Variants in TAF4B observed in about 807,000 individuals in gnomAD.
The protein encoded by TAF4B is transcription initiation factor TFIID subunit 4B.
In TAF4B, 38 loss-of-function variants were observed where a neutral mutation model predicts 86.4. The ratio of observed to expected loss-of-function variants is 0.44; its 90% confidence interval spans 0.34 to 0.58. The LOEUF is 0.58. Ranked by LOEUF, TAF4B falls within the 20% of genes least tolerant of loss-of-function variation. The pLI, the probability that TAF4B is intolerant of heterozygous loss-of-function variation, is 0.02. For missense variants in TAF4B, 988 were observed against 1,027.6 expected, an observed-to-expected ratio of 0.96 and a Z score of 0.53; for synonymous variants, 388 against 391.2, an observed-to-expected ratio of 0.99 and a Z score of 0.10.
intron 1 of TAF4B, among the ~76,000 whole-genome samples, chr18:26,254,596 C>T (rs921629831): frequency 2.6e-5 from 4 of 152,130 alleles, no homozygotes; most frequent in African/African-American, 9.7e-5. Flanking sequence ...GAAGCATTAA[C>T]CTTTGTTTTG....
At chr18:26,290,147 T>C (rs1190979451) in intron 7 of TAF4B, among the ~76,000 whole-genome samples, 1 of 152,120 alleles carries the variant, frequency 6.6e-6, no homozygotes, top group Non-Finnish European at 1.5e-5. Context: ...TTTTTATTTT[T>C]AATTTTTAAA....
At chr18:26,377,074 C>T (rs1043380472) in intron 14 of TAF4B, among the ~76,000 whole-genome samples, 4 of 151,872 alleles carry the variant, frequency 2.6e-5, no homozygotes, top group African/African-American at 9.7e-5. Flanking sequence ...TTAGTTTCTG[C>T]TTGCTAGTAT....
chr18:26,358,363 T>C (rs1324787508), intron 14 of TAF4B, among the ~76,000 whole-genome samples: 1 of 152,210 alleles, frequency 6.6e-6, no homozygotes, highest in Non-Finnish European at 1.5e-5. Flanking sequence ...TGACCTTAAT[T>C]GTTTGGTTAA....
intron 2 of TAF4B, chr18:26,266,059 G>C (rs1156777786): frequency 1.3e-5 from 2 of 152,160 alleles, no homozygotes; most frequent in Non-Finnish European, 2.9e-5. Flanking sequence ...ACAGGCGTGA[G>C]CCACTGCACT....
chr18:26,286,243 T>C lies in TAF4B; in HGVS notation c.1334T>C (p.Val445Ala), dbSNP rs2056520831. ...CTTGTGACATCTGTGGCAAACACAG[T>C]GACCACGGTCTCACTGCAACCTGAA... ...KPLVTSVANT[V>A]TTVSLQPEKP... Residue 445 changes from valine (V) to alanine (A), a missense_variant, in exon 7 of 15, where the codon GTG becomes GCG. Around this residue, in one of 3 missense-constraint regions of TAF4B, gnomAD observed 747 missense variants for 737.9 expected, o/e 1.01. Transcript: ENST00000269142. The C allele has an allele frequency of 1.9e-6, 3 of 1,614,228 alleles. No individual in the cohort carries two copies. Among genetic ancestry groups the C allele is most frequent in the South Asian group, 1.1e-5 (1 of 91,084 alleles).
At chr18:26,360,177 A>G (rs2057319079) in intron 14 of TAF4B, among the ~76,000 whole-genome samples, 1 of 152,186 alleles carries the variant, frequency 6.6e-6, no homozygotes, top group African/African-American at 2.4e-5. Context: ...TTAACAATTT[A>G]AAAATTACCC....
intron 9 of TAF4B, among the ~76,000 whole-genome samples, chr18:26,305,756 G>GT (rs2056788667): frequency 6.6e-6 from 1 of 152,152 alleles, no homozygotes; most frequent in South Asian, 2.1e-4. Context: ...GTTAAAGTAA[G>GT]TCCTTTTTCT....
chr18:26,236,110 A>G (rs1259713589), intron 1 of TAF4B, among the ~76,000 whole-genome samples: 2 of 152,210 alleles, frequency 1.3e-5, no homozygotes, highest in African/African-American at 4.8e-5. Flanking sequence ...TCCCTCCTCA[A>G]CTAGGGGACA....
chr18:26,285,222 G>GTTTTTGTTTTTGTTTTTTTTTTT, intron 6 of TAF4B, among the ~76,000 whole-genome samples: 4,080 of 45,574 alleles, frequency 0.09, 703 homozygotes, highest in Non-Finnish European at 0.13. Context: ...TTTTTTTTTT[G>GTTTTTGTTTTTGTTTTTTTTTTT]TTTTTTTTTT....
intron 1 of TAF4B, among the ~76,000 whole-genome samples, chr18:26,245,974 G>T (rs146964139): frequency 6.6e-6 from 1 of 152,106 alleles, no homozygotes; most frequent in African/African-American, 2.4e-5. Flanking sequence ...TGTGCAGTTT[G>T]GAAACGTGGA....
At chr18:26,359,762 C>G (rs1161643183) in intron 14 of TAF4B, among the ~76,000 whole-genome samples, 1 of 152,052 alleles carries the variant, frequency 6.6e-6, no homozygotes. Flanking sequence ...GCTCTGTCAC[C>G]CAGGATGGAG....
chr18:26,315,155 T>TCACACA (rs1484111730), intron 9 of TAF4B, 74 bp from the exon 10 acceptor site: 36 of 465,862 alleles, frequency 7.7e-5, no homozygotes, highest in African/African-American at 4.8e-4. Context: ...TGTCTCTCTC[T>TCACACA]CTCTCTCACA....
intron 11 of TAF4B, among the ~76,000 whole-genome samples, chr18:26,322,614 A>G (rs1285484503): frequency 1.3e-5 from 2 of 151,798 alleles, no homozygotes; most frequent in East Asian, 3.9e-4. Context: ...GATTTTTGTT[A>G]TTTGCATCTT....
At chr18:26,324,501 T>C (rs1021447815) in intron 11 of TAF4B, among the ~76,000 whole-genome samples, 4 of 152,218 alleles carry the variant, frequency 2.6e-5, no homozygotes, top group Non-Finnish European at 5.9e-5. Context: ...TAAAGTAATA[T>C]TTATTGAATG....
chr18:26,357,298 T>A (rs868598015), intron 13 of TAF4B, among the ~76,000 whole-genome samples: 1 of 152,222 alleles, frequency 6.6e-6, no homozygotes, highest in East Asian at 1.9e-4. Flanking sequence ...TGTGCAATAA[T>A]GTACAAAAAC....
At chr18:26,357,631 T>G (rs1225545193) in intron 13 of TAF4B, 59 bp from the exon 14 acceptor site, 1 of 1,220,694 alleles carries the variant, frequency 8.2e-7, no homozygotes, top group African/African-American at 1.5e-5. Flanking sequence ...AATCAGTTTC[T>G]TTTTCCCTCT....
At chr18:26,274,585 T>C (rs2056359711) in intron 3 of TAF4B, 78 bp from the exon 4 acceptor site, 1 of 1,505,614 alleles carries the variant, frequency 6.6e-7, no homozygotes. Context: ...AATTAACTTG[T>C]CTGATGAGTG....
intron 6 of TAF4B, among the ~76,000 whole-genome samples, chr18:26,283,809 A>G (rs1028010921): frequency 6.6e-6 from 1 of 152,070 alleles, no homozygotes; most frequent in African/African-American, 2.4e-5. Context: ...CCAGCACTTT[A>G]GGAGCCCAAG....
intron 9 of TAF4B, among the ~76,000 whole-genome samples, chr18:26,309,243 G>GTTTTT (rs1568144308): frequency 3.4e-5 from 3 of 88,810 alleles, no homozygotes; most frequent in African/African-American, 1.2e-4. Flanking sequence ...AAACCTGACA[G>GTTTTT]TATTTTTTTT....
Sources: gnomAD v4.1 joint callset for allele counts (sites outside exome capture counted in the v4.1 genomes callset) on GRCh38, gnomAD v4.1.1 for gene constraint, gnomAD v4.1.1 regional missense constraint, MANE v1.5 for transcripts, NCBI Gene and HGNC (gene_info 2026-07-23, HGNC 2026-07-21) for gene names.